The following KCNT1 variants were observed in gnomAD, a reference collection of about 807,000 sequenced individuals.
KCNT1 encodes the protein potassium sodium-activated channel subfamily T member 1.
Under a neutral mutation model 147.8 loss-of-function variants are expected in KCNT1, and 78 were observed. That is an observed-to-expected ratio of 0.53 (90% confidence interval 0.44 to 0.64). The LOEUF is 0.64. Among genes scored for constraint, KCNT1 ranks in the 30% least tolerant of loss-of-function variants. The pLI is 0.00. For missense variants in KCNT1, 1,419 were observed against 1,750.3 expected, an observed-to-expected ratio of 0.81 and a Z score of 3.38; for synonymous variants, 867 against 748.8, an observed-to-expected ratio of 1.16 and a Z score of -2.58.
At position 135,765,477 on chromosome 9, in the gene KCNT1, GGCCCCTCTTTTCCCTCCCACCAGAT is replaced by G; in HGVS notation, c.1201-144_1201-120del. Reference sequence around the variant, plus strand: ...CAGTCAGGTGGAGGGGCCCTGCGGGGGCCCCTCTTTTCCCTCCCACCAGATGCAAGATCACAGTGAGCTCTAGGGC... The same window carrying G: ...CAGTCAGGTGGAGGGGCCCTGCGGGGGCAAGATCACAGTGAGCTCTAGGGC... On this transcript the variant is annotated intron_variant, in intron 12 of 30. Coordinates refer to ENST00000371757, the MANE Select transcript of KCNT1 (RefSeq NM_020822.3). 7 of 944,884 alleles carry G rather than the reference GGCCCCTCTTTTCCCTCCCACCAGAT, an allele frequency of 7.4e-6. No individual in the cohort carries two copies. In the South Asian group the frequency reaches 1.3e-4, roughly 18 times the overall value. 58.5% of individuals were successfully genotyped at this position (944,884 alleles called of 1,614,324 possible).
Position 135,792,241 on chromosome 9 carries a change from C to T in KCNT1, c.*80C>T. 8.7e-6 allele frequency: 13 copies of T among 1,490,730 alleles called. No individual in the cohort carries two copies. In the South Asian group the frequency reaches 1.4e-4, roughly 16 times the overall value. 92.3% of individuals were successfully genotyped at this position (1,490,730 alleles called of 1,614,324 possible). ...GGAGGAGCGTGTGAGGACACGGTGG[C>T]ACTAGCGTGACCCTGGGGATGGCAC... On this transcript the variant is annotated 3_prime_UTR_variant, in exon 31 of 31. Transcript: ENST00000371757.
intron 4 of KCNT1, among the ~76,000 whole-genome samples, chr9:135,751,321 G>C (rs1831153355): frequency 6.6e-6 from 1 of 151,942 alleles, no homozygotes; most frequent in African/African-American, 2.4e-5. Flanking sequence ...AAAGGCTGGA[G>C]CATCTAGGAT....
intron 13 of KCNT1, among the ~76,000 whole-genome samples, chr9:135,766,447 G>A (rs1259849505): frequency 6.6e-6 from 1 of 151,754 alleles, no homozygotes; most frequent in African/African-American, 2.4e-5. Context: ...TTGGTCCTCT[G>A]GGGTAGATCA....
At chr9:135,775,271 CTG>C (rs1412605472) in intron 19 of KCNT1, 37 bp from the exon 20 acceptor site, 1 of 1,512,846 alleles carries the variant, frequency 6.6e-7, no homozygotes, top group South Asian at 1.2e-5. Context: ...CCAGCCACCT[CTG>C]TGCAGCTGTG....
chr9:135,759,983 G>A (rs1195436874), intron 11 of KCNT1, 124 bp downstream of exon 11: 8 of 930,328 alleles, frequency 8.6e-6, no homozygotes, highest in Non-Finnish European at 1.2e-5. Context: ...GGACAGTGAG[G>A]CCAGGCGGGT....
chr9:135,742,507 C>T (rs1830615807), intron 2 of KCNT1, among the ~76,000 whole-genome samples: 1 of 152,158 alleles, frequency 6.6e-6, no homozygotes, highest in Non-Finnish European at 1.5e-5. Flanking sequence ...TTCTCGGGCC[C>T]TGAGGGGGCC....
chr9:135,738,805 T>C (rs937142347), intron 2 of KCNT1, among the ~76,000 whole-genome samples: 26 of 152,140 alleles, frequency 1.7e-4, no homozygotes, highest in African/African-American at 6.3e-4. Context: ...CCCCTGACCC[T>C]GAGCTCCGGG....
chr9:135,718,905 C>T (rs889213276), intron 2 of KCNT1, among the ~76,000 whole-genome samples: 10 of 152,232 alleles, frequency 6.6e-5, no homozygotes, highest in South Asian at 2.1e-4. Context: ...CTGGGCAGGC[C>T]GCTCCCAGCG....
At chr9:135,773,431 C>T (rs1001352417) in intron 19 of KCNT1, among the ~76,000 whole-genome samples, 2 of 152,242 alleles carry the variant, frequency 1.3e-5, no homozygotes, top group African/African-American at 4.8e-5. Context: ...CACAGAGGGG[C>T]ACAGCCCGCC....
chr9:135,784,951 C>A (rs1194885106), intron 27 of KCNT1, 62 bp downstream of exon 27: 2 of 1,575,050 alleles, frequency 1.3e-6, no homozygotes, highest in South Asian at 1.2e-5. Context: ...CCCACAGCAT[C>A]CCCACCTTCC....
chr9:135,741,678 G>T (rs1830574504), intron 2 of KCNT1, among the ~76,000 whole-genome samples: 1 of 152,226 alleles, frequency 6.6e-6, no homozygotes, highest in African/African-American at 2.4e-5. Flanking sequence ...GGCACCAGGA[G>T]GGCACCTGCC....
chr9:135,784,589 A>G lies in KCNT1; in HGVS notation c.2998A>G (p.Thr1000Ala). 1 of 1,550,516 alleles carries G rather than the reference A, an allele frequency of 6.4e-7. No individual in the cohort carries two copies. Among genetic ancestry groups the G allele is most frequent in the Non-Finnish European group, 8.8e-7 (1 of 1,142,724 alleles). ...CACCCGGCTGCTGCTGGGCCTGGACACCACGCCGGGCTCGGGGTACCTCTG... is the reference window on the plus strand; with the variant it reads ...CACCCGGCTGCTGCTGGGCCTGGACGCCACGCCGGGCTCGGGGTACCTCTG... The part of the protein sequence containing the change: ...TITRLLLGLD[T>A]TPGSGYLCAM... Residue 1000 changes from threonine to alanine, a missense_variant, in exon 26 of 31, where the codon ACC (threonine) becomes GCC (alanine). Transcript: ENST00000371757.
At position 135,786,295 on chromosome 9, in the gene KCNT1, C is replaced by A; in HGVS notation, c.3276C>A (p.Arg1092=). ...GCACCGGAGGCAGCTCCCAGGGCCGCCACACGGGCGGCGGTGACCCCGCAG... is the reference window on the plus strand; with the variant it reads ...GCACCGGAGGCAGCTCCCAGGGCCGACACACGGGCGGCGGTGACCCCGCAG... The part of the protein sequence containing the change: ...RAGTGGSSQG[R]HTGGGDPAEH... The change falls in exon 29 of 31, where the codon CGC becomes CGA. Residue 1092 remains arginine (R), a synonymous_variant. Transcript: ENST00000371757. 1 of 1,605,716 alleles carries A rather than the reference C, an allele frequency of 6.2e-7. No homozygotes were observed. The highest frequency in any genetic ancestry group is 1.1e-5 in the South Asian group (1 of 89,876).
intron 2 of KCNT1, among the ~76,000 whole-genome samples, chr9:135,729,410 A>G (rs945123192): frequency 3.3e-5 from 5 of 152,276 alleles, no homozygotes; most frequent in African/African-American, 1.2e-4. Flanking sequence ...GATTCCGCAG[A>G]TGGCGGGAAT....
chr9:135,773,376 C>T (rs1347671177), intron 19 of KCNT1, among the ~76,000 whole-genome samples: 2 of 152,216 alleles, frequency 1.3e-5, no homozygotes, highest in Non-Finnish European at 2.9e-5. Context: ...GACCCCAGGC[C>T]ATCCTCCACC....
intron 13 of KCNT1, chr9:135,768,391 G>T: frequency 2.9e-6 from 1 of 349,086 alleles, no homozygotes; most frequent in Non-Finnish European, 5.0e-6. Flanking sequence ...GGGGCACTGT[G>T]ACTCCTGACC....
chr9:135,746,146 T>C (rs564446614), intron 2 of KCNT1, among the ~76,000 whole-genome samples: 2 of 152,306 alleles, frequency 1.3e-5, no homozygotes, highest in African/African-American at 4.8e-5. Context: ...CACAGTTCAT[T>C]AAAAATTAAA....
rs1475753007 is a variant in KCNT1 at position 135,778,671 on chromosome 9, C to T, written c.2595-17C>T. On this transcript the variant is annotated splice_polypyrimidine_tract_variant and intron_variant, in intron 22 of 30. Transcript: ENST00000371757. ...TGGGCCGCATCCTCAGCCACGGGCC[C>T]TCGGTCCCGCCACCAGCCTGGACAG... 1.2e-6 allele frequency: 2 copies of T among 1,613,324 alleles called. No homozygotes were observed. Among genetic ancestry groups the T allele is most frequent in the Non-Finnish European group, 1.7e-6 (2 of 1,179,754 alleles).
At chr9:135,728,564 G>A (rs1343964323) in intron 2 of KCNT1, among the ~76,000 whole-genome samples, 1 of 152,228 alleles carries the variant, frequency 6.6e-6, no homozygotes, top group Non-Finnish European at 1.5e-5. Context: ...ACAGGAAGTG[G>A]GAGGCATCTC....
Sources: gnomAD v4.1 joint callset for allele counts (sites outside exome capture counted in the v4.1 genomes callset) on GRCh38, gnomAD v4.1.1 for gene constraint, MANE v1.5 for transcripts, NCBI Gene and HGNC (gene_info 2026-07-23, HGNC 2026-07-21) for gene names.